B3GALNT2: variants seen among roughly 807,000 people sequenced by gnomAD.
B3GALNT2 encodes the protein beta-1,3-N-acetylgalactosaminyltransferase 2.
B3GALNT2 carries 53 observed loss-of-function variants against 61.1 expected under a neutral mutation model. The observed-to-expected ratio is 0.87, with a 90% CI of 0.70 to 1.09. The LOEUF is 1.09. B3GALNT2 is among the 50% of genes least tolerant of loss of function. The pLI, the probability that B3GALNT2 is intolerant of heterozygous loss-of-function variation, is 0.00. For missense variants in B3GALNT2, 544 were observed against 623.0 expected, an observed-to-expected ratio of 0.87 and a Z score of 1.35; for synonymous variants, 223 against 237.4, an observed-to-expected ratio of 0.94 and a Z score of 0.56.
intron 7 of B3GALNT2, among the ~76,000 whole-genome samples, chr1:235,462,988 T>A (rs1683501502): frequency 6.6e-6 from 1 of 152,262 alleles, no homozygotes; most frequent in South Asian, 2.1e-4. Context: ...CAAATGCCCA[T>A]CAATCAATGA....
chr1:235,494,879 A>C, intron 1 of B3GALNT2, 51 bp from the exon 2 acceptor site: 1 of 1,460,150 alleles, frequency 6.8e-7, no homozygotes, highest in Non-Finnish European at 9.4e-7. Context: ...AATTACTATG[A>C]AGTTCAATAT....
At position 235,458,695 on chromosome 1, in the gene B3GALNT2, C is replaced by CTTCA; in HGVS notation, c.929_932dup (p.Lys311AsnfsTer9). The CTTCA allele has an allele frequency of 6.2e-7, 1 of 1,613,610 alleles. No homozygotes were observed. Among genetic ancestry groups the CTTCA allele is most frequent in the East Asian group, 2.2e-5 (1 of 44,862 alleles). ...TATCATCATAGATGCTGCTTTCCTCCTTCAGTAAGGCATCTTCCTCATGGA... is the reference window on the plus strand; with the variant it reads ...TATCATCATAGATGCTGCTTTCCTCCTTCATTCAGTAAGGCATCTTCCTCATGGA... On this transcript the variant is annotated frameshift_variant, in exon 8 of 12. Transcript: ENST00000366600. LOFTEE classifies it high-confidence loss of function.
In B3GALNT2 at chr1:235,455,611, A is replaced by C. The variant is rs1018836177; in HGVS notation, c.1099T>G (p.Phe367Val). The C allele has an allele frequency of 6.8e-6, 11 of 1,608,532 alleles. No homozygotes were observed. Among genetic ancestry groups the C allele is most frequent in the Non-Finnish European group, 9.4e-6 (11 of 1,174,962 alleles). The change falls in exon 9 of 12, where the codon TTT (phenylalanine) becomes GTT (valine). Residue 367 changes from phenylalanine (F) to valine (V), a missense_variant. Transcript: ENST00000366600. ...AGATTCTTTTGGACAATCCTATTAAATACAGCTTCGAGGTCTATGTAACAG... is the reference window on the plus strand; with the variant it reads ...AGATTCTTTTGGACAATCCTATTAACTACAGCTTCGAGGTCTATGTAACAG... ...DDCYIDLEAVFNRIVQKNLDG... is the reference protein window; with the variant it reads ...DDCYIDLEAVVNRIVQKNLDG...
At chr1:235,443,822 A>G (rs1049115523), downstream of B3GALNT2, among the ~76,000 whole-genome samples, 22 of 152,332 alleles carry the variant, frequency 1.4e-4, no homozygotes, top group African/African-American at 5.3e-4. Context: ...TGGTACTGGA[A>G]CTGAATTACT....
chr1:235,496,789 C>A (rs938482869), intron 1 of B3GALNT2, among the ~76,000 whole-genome samples: 1 of 151,970 alleles, frequency 6.6e-6, no homozygotes, highest in Non-Finnish European at 1.5e-5. Flanking sequence ...TGTGATCCAC[C>A]GCCTCGGCCT....
Position 235,473,840 on chromosome 1 carries a change from AGAT to A in B3GALNT2, c.652-2883_652-2881del, listed in dbSNP as rs574727844. 2.3e-4 allele frequency among the ~76,000 whole-genome samples: 35 copies of A among 152,336 alleles called. No individual in the cohort carries two copies. In the South Asian group the frequency reaches 6.8e-3, roughly 30 times the overall value. On this transcript the variant is annotated intron_variant, in intron 5 of 11. Coordinates refer to ENST00000366600, the MANE Select transcript of B3GALNT2 (RefSeq NM_152490.5). ...CACCTTGAAACTACAAATCTAGAAAAGATGATGATAAAACGAGTAATTCTCTGT... is the reference window on the plus strand; with the variant it reads ...CACCTTGAAACTACAAATCTAGAAAAGATGATAAAACGAGTAATTCTCTGT...
At chr1:235,471,031 G>A in intron 5 of B3GALNT2, 71 bp from the exon 6 acceptor site, 1 of 1,560,520 alleles carries the variant, frequency 6.4e-7, no homozygotes, top group South Asian at 1.2e-5. Context: ...ATGCTTTCAG[G>A]CAAGATTTTT....
chr1:235,448,249 C>G lies in B3GALNT2; in HGVS notation c.*1957G>C. ...AAAAAAAAAAAAAAAAAGACAGATACAGCTATCATTGCAATGATACTGTGG... is the reference window on the plus strand; with the variant it reads ...AAAAAAAAAAAAAAAAAGACAGATAGAGCTATCATTGCAATGATACTGTGG... On this transcript the variant is annotated 3_prime_UTR_variant, in exon 12 of 12. Transcript: ENST00000366600. 1 of 712,104 alleles carries G rather than the reference C, an allele frequency of 1.4e-6. No individual in the cohort carries two copies. The highest frequency in any genetic ancestry group is 2.5e-6 in the Non-Finnish European group (1 of 398,758). 44.1% of individuals were successfully genotyped at this position (712,104 alleles called of 1,614,324 possible).
At chr1:235,445,673 T>C (rs1466262133), downstream of B3GALNT2, among the ~76,000 whole-genome samples, 1 of 152,002 alleles carries the variant, frequency 6.6e-6, no homozygotes, top group Non-Finnish European at 1.5e-5. Flanking sequence ...CAATATCTTT[T>C]TTTTTATCCA....
At chr1:235,463,837 G>C (rs1214068253) in intron 7 of B3GALNT2, 2 of 152,184 alleles carry the variant, frequency 1.3e-5, no homozygotes, top group African/African-American at 4.8e-5. Flanking sequence ...AAAGTGCTGG[G>C]ATTACAGGAG....
intron 2 of B3GALNT2, among the ~76,000 whole-genome samples, chr1:235,493,877 C>A (rs1558440669): frequency 6.6e-6 from 1 of 152,172 alleles, no homozygotes; most frequent in East Asian, 1.9e-4. Context: ...TGCTTATCAC[C>A]TGAGTCTTCA....
Position 235,448,605 on chromosome 1 carries a change from A to T in B3GALNT2, c.*1601T>A. The stretch of plus-strand genomic sequence containing the variant: ...CCTGGGGACGGGGTGGGGGAAGAGT[A>T]TGTGTAGCATGCTTTATCGGATCTG... On this transcript the variant is annotated 3_prime_UTR_variant, in exon 12 of 12. Transcript: ENST00000366600. 7.0e-7 allele frequency: 1 copy of T among 1,430,000 alleles called. No individual in the cohort carries two copies. The highest frequency in any genetic ancestry group is 9.9e-7 in the Non-Finnish European group (1 of 1,012,786). 88.6% of individuals were successfully genotyped at this position (1,430,000 alleles called of 1,614,324 possible).
In B3GALNT2 at chr1:235,469,895, T is replaced by TTTTG. The variant is rs533795260; in HGVS notation, c.762+951_762+954dup. Among the ~76,000 whole-genome samples the TTTTG allele has an allele frequency of 7.9e-5, 12 of 151,796 alleles. No individual in the cohort carries two copies. The South Asian group carries it at 1.5e-3, about 18-fold the overall frequency. ...CAATATTTTTATCTATAGTAGTTTTTTTTGTTTGTTTGTTTGTTTTGAGAC... is the reference window on the plus strand; with the variant it reads ...CAATATTTTTATCTATAGTAGTTTTTTTTGTTTGTTTGTTTGTTTGTTTTGAGAC... On this transcript the variant is annotated intron_variant, in intron 6 of 11. Transcript: ENST00000366600.
intron 6 of B3GALNT2, 116 bp from the exon 7 acceptor site, chr1:235,465,830 T>A: frequency 8.2e-7 from 1 of 1,218,940 alleles, no homozygotes; most frequent in Non-Finnish European, 1.2e-6. Flanking sequence ...TAAATGCATG[T>A]AAGATGCTGG....
the B3GALNT2 span, chr1:235,441,858 C>T: frequency 6.2e-7 from 1 of 1,614,088 alleles, no homozygotes; most frequent in Non-Finnish European, 8.5e-7. Context: ...ACAGCAACCA[C>T]TTATGCTGAA....
chr1:235,441,638 G>T, the B3GALNT2 span: 2 of 615,556 alleles, frequency 3.2e-6, no homozygotes, highest in Non-Finnish European at 5.8e-6. Context: ...TTCTGCCCTT[G>T]GAAGTGGTCG....
chr1:235,491,852 C>A (rs527634003), intron 2 of B3GALNT2, among the ~76,000 whole-genome samples: 1 of 152,234 alleles, frequency 6.6e-6, no homozygotes, highest in Admixed American at 6.5e-5. Flanking sequence ...ACTCTCCTAC[C>A]TCTCCTGGCT....
At chr1:235,441,693 T>C in the B3GALNT2 span, 1 of 844,232 alleles carries the variant, frequency 1.2e-6, no homozygotes, top group Non-Finnish European at 1.9e-6. Context: ...GGCAGCTCCA[T>C]GTGTCCTGGG....
intron 11 of B3GALNT2, 122 bp downstream of exon 11, chr1:235,452,968 A>C: frequency 1.1e-6 from 1 of 898,194 alleles, no homozygotes; most frequent in Non-Finnish European, 1.7e-6. Context: ...CTAAAATCCA[A>C]AAAAATCTGA....
Sources: allele counts gnomAD v4.1 joint callset (sites outside exome capture counted in the v4.1 genomes callset), GRCh38; gene constraint gnomAD v4.1.1; transcripts MANE v1.5; gene names NCBI Gene and HGNC (gene_info 2026-07-23, HGNC 2026-07-21).